The following CTNNAL1 variants were observed in gnomAD, a reference collection of about 807,000 sequenced individuals.
The protein encoded by CTNNAL1 is alpha-catulin.
A neutral mutation model predicts 93.6 loss-of-function variants in CTNNAL1; 69 were observed. The observed-to-expected ratio is 0.74, with a 90% CI of 0.61 to 0.90. The LOEUF (loss-of-function observed/expected upper bound fraction) is 0.90. Among genes scored for constraint, CTNNAL1 ranks in the 40% least tolerant of loss-of-function variants. CTNNAL1 has a pLI of 0.00. For missense variants in CTNNAL1, 836 were observed against 862.0 expected (o/e 0.97, Z 0.38); for synonymous variants, 286 against 305.4 (o/e 0.94, Z 0.66).
rs1381464584 is a variant in CTNNAL1, at chr9:109,013,300, A to G, written c.141+2T>C. The G allele has an allele frequency of 6.7e-7, 1 of 1,496,054 alleles. No individual in the cohort carries two copies. The highest frequency in any genetic ancestry group is 8.9e-7 in the Non-Finnish European group (1 of 1,122,570). The allele number at this position is 1,496,054 out of a possible 1,614,324, so 92.7% of individuals were successfully genotyped here. ...GAGGGGCCGCGCCAGGCGCCACTTT[A>G]CCTGAGAAACCAGCGGGAGTAGCGT... On this transcript the variant is annotated splice_donor_variant, in intron 1 of 18. Transcript: ENST00000325551. LOFTEE classifies it high-confidence loss of function.
intron 8 of CTNNAL1, 32 bp from the exon 9 acceptor site, chr9:108,972,865 A>ACCCAG: frequency 4.6e-6 from 1 of 219,280 alleles, no homozygotes; most frequent in Non-Finnish European, 6.2e-6. Context: ...GGGGGGTGGG[A>ACCCAG]GGGTGGAGAA....
intron 1 of CTNNAL1, among the ~76,000 whole-genome samples, chr9:109,007,708 A>G (rs927664875): frequency 2.5e-4 from 38 of 152,188 alleles, no homozygotes; most frequent in African/African-American, 8.9e-4. Flanking sequence ...TATAACATAT[A>G]TGTGTGGAGT....
At chr9:108,987,056 G>C (rs1831632666) in intron 4 of CTNNAL1, among the ~76,000 whole-genome samples, 1 of 152,108 alleles carries the variant, frequency 6.6e-6, no homozygotes, top group Non-Finnish European at 1.5e-5. Context: ...GTCAATGTTG[G>C]CTTTTGTTGC....
intron 8 of CTNNAL1, among the ~76,000 whole-genome samples, chr9:108,973,864 A>G (rs560909697): frequency 1.3e-5 from 2 of 152,212 alleles, no homozygotes; most frequent in African/African-American, 2.4e-5. Context: ...CAAAATTAAC[A>G]ATAGGATACC....
In CTNNAL1 at chr9:108,979,457, T is replaced by G. The variant is rs1831362418; in HGVS notation, c.925A>C (p.Asn309His). ...TTCTCTTTGGACTGAAAATAAAGAT[T>G]CTCCCGAAGAGCTTCAATATTCATC... ...FKMNIEALRENLYFQSKENLS... is the reference protein window; with the variant it reads ...FKMNIEALREHLYFQSKENLS... The change falls in exon 7 of 19, where the codon AAT (asparagine) becomes CAT (histidine). Residue 309 changes from asparagine (N) to histidine (H), a missense_variant. Coordinates refer to ENST00000325551, the MANE Select transcript of CTNNAL1 (RefSeq NM_003798.4). 8.7e-6 allele frequency: 14 copies of G among 1,613,948 alleles called. No individual in the cohort carries two copies. Among genetic ancestry groups the G allele is most frequent in the Non-Finnish European group, 1.2e-5 (14 of 1,179,950 alleles).
chr9:108,954,968 A>ATAT (rs1830655602), intron 12 of CTNNAL1, among the ~76,000 whole-genome samples: 1 of 145,540 alleles, frequency 6.9e-6, no homozygotes, highest in Non-Finnish European at 1.5e-5. Flanking sequence ...CAGTAATTTT[A>ATAT]TTTTTTTTTT....
intron 3 of CTNNAL1, chr9:108,991,972 T>G (rs1239078664): frequency 2.8e-6 from 2 of 705,326 alleles, no homozygotes; most frequent in East Asian, 5.2e-5. Flanking sequence ...GATTATTCAG[T>G]AACATTTAGG....
At chr9:108,945,496 CTG>C (rs1296098053) in intron 15 of CTNNAL1, among the ~76,000 whole-genome samples, 2 of 141,982 alleles carry the variant, frequency 1.4e-5, no homozygotes, top group African/African-American at 2.6e-5. Flanking sequence ...GGGTCTCACT[CTG>C]TTGTCCAGAG....
At chr9:108,955,607 T>C (rs1388156853) in intron 12 of CTNNAL1, among the ~76,000 whole-genome samples, 183 bp downstream of exon 12, 2 of 152,180 alleles carry the variant, frequency 1.3e-5, no homozygotes, top group Non-Finnish European at 2.9e-5. Flanking sequence ...AAAACAAATA[T>C]TCAGAGTGTA....
At chr9:108,971,571 T>C (rs774167511) in intron 9 of CTNNAL1, among the ~76,000 whole-genome samples, 7 of 152,318 alleles carry the variant, frequency 4.6e-5, no homozygotes, top group Non-Finnish European at 8.8e-5. Context: ...TAAATGGGAG[T>C]TCCCCCCCTG....
At chr9:108,988,727 TTGTC>T (rs1186767763) in intron 4 of CTNNAL1, among the ~76,000 whole-genome samples, 2 of 152,342 alleles carry the variant, frequency 1.3e-5, no homozygotes, top group East Asian at 3.9e-4. Context: ...TTCTGTTTTA[TTGTC>T]TATCTCCTCC....
chr9:108,958,362 A>G (rs917991190), intron 11 of CTNNAL1, among the ~76,000 whole-genome samples: 3 of 152,226 alleles, frequency 2.0e-5, no homozygotes, highest in South Asian at 2.1e-4. Context: ...AATAAATCCA[A>G]TGAAAAGAAA....
intron 14 of CTNNAL1, among the ~76,000 whole-genome samples, chr9:108,949,578 T>C (rs1177201503): frequency 4.6e-5 from 7 of 152,144 alleles, no homozygotes; most frequent in Admixed American, 2.6e-4. Context: ...GTGTGGTGGC[T>C]AACGCCTGTA....
chr9:108,943,050 A>G lies in CTNNAL1; in HGVS notation c.2056-6T>C, dbSNP rs968069900. On this transcript the variant is annotated splice_polypyrimidine_tract_variant and splice_region_variant and intron_variant, in intron 17 of 18. Coordinates refer to ENST00000325551, the MANE Select transcript of CTNNAL1 (RefSeq NM_003798.4). ...TTCGTAATACACTTGTCAACCTACAATGACAAAAAGCATGCAAATGATATT... is the reference window on the plus strand; with the variant it reads ...TTCGTAATACACTTGTCAACCTACAGTGACAAAAAGCATGCAAATGATATT... 18 of 1,603,748 alleles carry G rather than the reference A, an allele frequency of 1.1e-5. No individual in the cohort carries two copies. The highest frequency in any genetic ancestry group is 1.9e-4 in the Middle Eastern group (1 of 5,326).
In CTNNAL1 at chr9:108,979,443, C is replaced by G. The variant is rs1311761956; in HGVS notation, c.939G>C (p.Gln313His). Residue 313 changes from glutamine to histidine, a missense_variant, in exon 7 of 19, where the codon CAG (glutamine) becomes CAC (histidine). Transcript: ENST00000325551. ...IEALRENLYF[Q>H]SKENLSVTLE... ...ATGTCACAGAAAGGTTCTCTTTGGACTGAAAATAAAGATTCTCCCGAAGAG... is the reference window on the plus strand; with the variant it reads ...ATGTCACAGAAAGGTTCTCTTTGGAGTGAAAATAAAGATTCTCCCGAAGAG... The G allele has an allele frequency of 6.2e-7, 1 of 1,614,066 alleles. No individual in the cohort carries two copies.
At position 108,943,976 on chromosome 9, in the gene CTNNAL1, C is replaced by G. The variant is rs375950356; in HGVS notation, c.1927G>C (p.Ala643Pro). The change falls in exon 16 of 19, where the codon GCT (alanine) becomes CCT (proline). Residue 643 changes from alanine to proline, a missense_variant. Ala to Pro is a conservative substitution (Grantham distance 27, BLOSUM62 -1). Transcript: ENST00000325551. ...ACATGTGTTACCTGTTTTGAAAAAG[C>G]TTGAACACTGGAAGTAAGCTTTAAA... ...EGLKLTSSVQ[A>P]FSKQLKDDDK... is the part of the protein sequence containing the mutation. 6.2e-7 allele frequency: 1 copy of G among 1,613,628 alleles called. No individual in the cohort carries two copies. Among genetic ancestry groups the G allele is most frequent in the Non-Finnish European group, 8.5e-7 (1 of 1,179,864 alleles).
rs549084291 is a variant in CTNNAL1, at chr9:108,955,880, A to G, written c.1592-53T>C. The G allele has an allele frequency of 8.3e-5, 96 of 1,149,892 alleles. 4 individuals carry two copies. In the South Asian group the frequency reaches 1.5e-3, roughly 18 times the overall value. 71.2% of individuals were successfully genotyped at this position (1,149,892 alleles called of 1,614,324 possible). ...ATTTTTTCTATTAATATATTTTTCT[A>G]TTATTCATAGTTAACTTTTAAAGTA... On this transcript the variant is annotated intron_variant, in intron 11 of 18. Coordinates refer to ENST00000325551, the MANE Select transcript of CTNNAL1 (RefSeq NM_003798.4).
intron 4 of CTNNAL1, among the ~76,000 whole-genome samples, chr9:108,987,693 C>CT (rs1363900535): frequency 1.3e-5 from 2 of 152,200 alleles, no homozygotes; most frequent in Admixed American, 1.3e-4. Flanking sequence ...TTTGTATCCT[C>CT]TTTTATTTCA....
At chr9:108,976,920 T>C (rs1386723766) in intron 8 of CTNNAL1, 42 bp downstream of exon 8, 2 of 801,660 alleles carry the variant, frequency 2.5e-6, no homozygotes, top group Non-Finnish European at 3.8e-6. Flanking sequence ...AACATGAAAA[T>C]CACAAAGAAT....
Sources: allele counts gnomAD v4.1 joint callset (sites outside exome capture counted in the v4.1 genomes callset), GRCh38; gene constraint gnomAD v4.1.1; transcripts MANE v1.5; gene names NCBI Gene and HGNC (gene_info 2026-07-23, HGNC 2026-07-21).